The following MNAT1 variants were observed in gnomAD, a reference collection of about 807,000 sequenced individuals.
MNAT1 encodes the protein CDK-activating kinase assembly factor MAT1.
Under a neutral mutation model 42.0 loss-of-function variants are expected in MNAT1, and 43 were observed. The observed-to-expected ratio is 1.02, with a 90% confidence interval of 0.80 to 1.32. The LOEUF (loss-of-function observed/expected upper bound fraction) is 1.32. Among genes scored for constraint, MNAT1 ranks in the 40% most tolerant of loss-of-function variants. The pLI, the probability that MNAT1 is intolerant of heterozygous loss-of-function variation, is 0.00. For missense variants in MNAT1, 306 were observed against 350.4 expected (o/e 0.87, Z 1.01); for synonymous variants, 118 against 120.0 (o/e 0.98, Z 0.11).
chr14:60,754,341 CTTTT>C (rs1302508545), intron 1 of MNAT1, among the ~76,000 whole-genome samples: 2 of 126,204 alleles, frequency 1.6e-5, no homozygotes, highest in Non-Finnish European at 1.7e-5. Flanking sequence ...GAAATTTCTT[CTTTT>C]TTTTTTTTTT....
At chr14:60,849,856 A>T (rs1047168141) in intron 6 of MNAT1, among the ~76,000 whole-genome samples, 3 of 150,092 alleles carry the variant, frequency 2.0e-5, no homozygotes, top group African/African-American at 7.4e-5. Context: ...TTTTTTTTTT[A>T]AATGGGGTGT....
chr14:60,867,555 T>G (rs1320348732), intron 6 of MNAT1, among the ~76,000 whole-genome samples: 1 of 152,162 alleles, frequency 6.6e-6, no homozygotes, highest in African/African-American at 2.4e-5. Context: ...CTTGTGCATT[T>G]TTTTCTACTG....
chr14:60,802,436 C>T (rs890125180), intron 3 of MNAT1, among the ~76,000 whole-genome samples: 8 of 151,818 alleles, frequency 5.3e-5, no homozygotes, highest in Admixed American at 5.3e-4. Context: ...TCACATTGTA[C>T]CCCATAGATA....
chr14:60,928,464 A>G (rs2035809867), intron 7 of MNAT1, among the ~76,000 whole-genome samples: 1 of 152,252 alleles, frequency 6.6e-6, no homozygotes. Flanking sequence ...TGTACATTTT[A>G]CATTCCTACT....
At chr14:60,888,632 C>A (rs1294074704) in intron 7 of MNAT1, among the ~76,000 whole-genome samples, 2 of 149,932 alleles carry the variant, frequency 1.3e-5, no homozygotes, top group Non-Finnish European at 3.0e-5. Context: ...AAAGGGCATT[C>A]AATTAGGAAA....
intron 1 of MNAT1, among the ~76,000 whole-genome samples, chr14:60,783,453 C>T (rs545501014): frequency 6.6e-6 from 1 of 152,306 alleles, no homozygotes; most frequent in East Asian, 1.9e-4. Flanking sequence ...GTAGCATATT[C>T]TCTTACTTTG....
intron 7 of MNAT1, among the ~76,000 whole-genome samples, chr14:60,889,628 T>G (rs1000218935): frequency 9.2e-5 from 14 of 152,062 alleles, no homozygotes; most frequent in Middle Eastern, 3.4e-3. Context: ...AAGAGCTTCT[T>G]CACAGCAAAA....
chr14:60,777,146 A>T (rs1347057160), intron 1 of MNAT1, among the ~76,000 whole-genome samples: 2 of 152,180 alleles, frequency 1.3e-5, no homozygotes, highest in East Asian at 3.8e-4. Context: ...CACCATGCCC[A>T]GCCTTTGAAT....
At chr14:60,792,482 A>G (rs1446335027) in intron 1 of MNAT1, among the ~76,000 whole-genome samples, 1 of 152,268 alleles carries the variant, frequency 6.6e-6, no homozygotes, top group East Asian at 1.9e-4. Context: ...TTCTTTTACA[A>G]TGTTATTACT....
chr14:60,793,254 C>T (rs1321722414), intron 1 of MNAT1, among the ~76,000 whole-genome samples: 2 of 152,156 alleles, frequency 1.3e-5, no homozygotes, highest in South Asian at 4.1e-4. Flanking sequence ...GTTGCCCAGG[C>T]CAGTCTCAAA....
At chr14:60,960,606 C>G (rs1048106983) in intron 7 of MNAT1, among the ~76,000 whole-genome samples, 1 of 152,044 alleles carries the variant, frequency 6.6e-6, no homozygotes, top group African/African-American at 2.4e-5. Context: ...CCCTTCTTTC[C>G]TCTCCCACCC....
At chr14:60,927,985 C>T (rs1468904552) in intron 7 of MNAT1, among the ~76,000 whole-genome samples, 2 of 152,178 alleles carry the variant, frequency 1.3e-5, no homozygotes, top group Admixed American at 6.5e-5. Flanking sequence ...AGTTTTAGAA[C>T]CTTCGACAAC....
chr14:60,908,309 AT>A (rs1324630188), intron 7 of MNAT1, among the ~76,000 whole-genome samples: 8 of 151,950 alleles, frequency 5.3e-5, no homozygotes, highest in East Asian at 1.9e-4. Context: ...CTGGATTGTT[AT>A]TTTTTTCTTT....
chr14:60,849,650 A>G (rs1167584351), intron 6 of MNAT1, among the ~76,000 whole-genome samples: 1 of 152,088 alleles, frequency 6.6e-6, no homozygotes, highest in East Asian at 1.9e-4. Context: ...TTTTTTTTAC[A>G]GATATGATCA....
At chr14:60,826,115 AGTG>A (rs2033045506) in intron 6 of MNAT1, among the ~76,000 whole-genome samples, 1 of 152,190 alleles carries the variant, frequency 6.6e-6, no homozygotes, top group African/African-American at 2.4e-5. Context: ...TCAGTCAGTC[AGTG>A]AACATATTTT....
Position 60,746,919 on chromosome 14 carries a change from TATATACACACACACACACACACACACAC to T in MNAT1, c.89+11970_89+11997del, listed in dbSNP as rs1394667452. On this transcript the variant is annotated intron_variant, in intron 1 of 7. Transcript: ENST00000261245. ...TTTCATATATATATATATATATATA[TATATACACACACACACACACACACACAC>T]ACACACACACACACACACACACACA... Among the ~76,000 whole-genome samples the T allele has an allele frequency of 4.1e-3, 107 of 26,404 alleles. 19 individuals carry two copies. Among genetic ancestry groups the T allele is most frequent in the South Asian group, 0.011 (8 of 720 alleles). 17.3% of individuals were successfully genotyped at this position (26,404 alleles called of 152,430 possible). A position where few individuals can be genotyped will look rare whatever the true frequency, so the allele number is the denominator to read the frequency against.
intron 5 of MNAT1, among the ~76,000 whole-genome samples, chr14:60,814,551 A>G (rs977446294): frequency 1.3e-5 from 2 of 152,066 alleles, no homozygotes; most frequent in Non-Finnish European, 2.9e-5. Context: ...CTATTATCCT[A>G]TGATTGGGGA....
intron 6 of MNAT1, among the ~76,000 whole-genome samples, chr14:60,845,589 T>C (rs1176336983): frequency 1.3e-5 from 2 of 152,038 alleles, no homozygotes; most frequent in Admixed American, 6.5e-5. Flanking sequence ...GATTTAATAA[T>C]TTTTTAGTAA....
At chr14:60,942,331 T>C in intron 7 of MNAT1, among the ~76,000 whole-genome samples, 1 of 152,154 alleles carries the variant, frequency 6.6e-6, no homozygotes, top group African/African-American at 2.4e-5. Flanking sequence ...CCTCAAGCAG[T>C]GCCCAGAAGC....
Sources: gnomAD v4.1 joint callset for allele counts (sites outside exome capture counted in the v4.1 genomes callset) on GRCh38, gnomAD v4.1.1 for gene constraint, MANE v1.5 for transcripts, NCBI Gene and HGNC (gene_info 2026-07-23, HGNC 2026-07-21) for gene names.